SYNCRIP: variants seen among roughly 807,000 people sequenced by gnomAD.
SYNCRIP encodes synaptotagmin binding cytoplasmic RNA interacting protein.
A neutral mutation model predicts 68.9 loss-of-function variants in SYNCRIP; 9 were observed. That is an observed-to-expected ratio of 0.13 (90% CI 0.08 to 0.23). The LOEUF (loss-of-function observed/expected upper bound fraction) is 0.23, where lower values mean the gene tolerates loss of function less well. Ranked by LOEUF, SYNCRIP falls within the 10% of genes least tolerant of loss-of-function variation. The pLI, the probability that SYNCRIP is intolerant of heterozygous loss-of-function variation, is 1.00. For synonymous variants in SYNCRIP, 258 were observed against 254.0 expected (o/e 1.02, Z -0.15); for missense variants, 414 against 770.6 (o/e 0.54, Z 5.48).
intron 7 of SYNCRIP, 114 bp downstream of exon 7, chr6:85,623,863 A>T: frequency 7.8e-7 from 1 of 1,281,880 alleles, no homozygotes; most frequent in Non-Finnish European, 1.1e-6. Flanking sequence ...CAAAAGTTGT[A>T]GTGAGGATTC....
chr6:85,630,226 G>A (rs1434771457), intron 6 of SYNCRIP, among the ~76,000 whole-genome samples: 2 of 152,106 alleles, frequency 1.3e-5, no homozygotes, highest in Non-Finnish European at 2.9e-5. Context: ...GCCGGGTGTG[G>A]TGGCAGGCGC....
Position 85,614,117 on chromosome 6 carries a change from C to G in SYNCRIP, c.*639G>C, listed in dbSNP as rs1805503077. 1 of 985,692 alleles carries G rather than the reference C, an allele frequency of 1.0e-6. No individual in the cohort carries two copies. The highest frequency in any genetic ancestry group is 1.7e-5 in the African/African-American group (1 of 57,210). 61.1% of individuals were successfully genotyped at this position (985,692 alleles called of 1,614,324 possible). ...ATTCCACACAAGAATTAACAAGGCACAAAACCCTTTAATTGGCCTTGACAT... is the reference window on the plus strand; with the variant it reads ...ATTCCACACAAGAATTAACAAGGCAGAAAACCCTTTAATTGGCCTTGACAT... On this transcript the variant is annotated 3_prime_UTR_variant, in exon 11 of 11. Coordinates refer to ENST00000369622, the MANE Select transcript of SYNCRIP (RefSeq NM_006372.5).
intron 8 of SYNCRIP, among the ~76,000 whole-genome samples, chr6:85,621,470 A>C (rs565330956): frequency 1.3e-5 from 2 of 152,096 alleles, no homozygotes; most frequent in Non-Finnish European, 2.9e-5. Context: ...AAAATTAGCC[A>C]GGTGTGGTAG....
At chr6:85,641,594 C>G in intron 1 of SYNCRIP, 143 bp from the exon 2 acceptor site, 2 of 791,440 alleles carry the variant, frequency 2.5e-6, no homozygotes, top group Non-Finnish European at 3.8e-6. Context: ...CAGTCACTAT[C>G]GCCTGACAAG....
intron 7 of SYNCRIP, among the ~76,000 whole-genome samples, 199 bp from the exon 8 acceptor site, chr6:85,622,886 A>C (rs933729887): frequency 6.6e-6 from 1 of 152,232 alleles, no homozygotes; most frequent in African/African-American, 2.4e-5. Context: ...TTCAACACAG[A>C]AATCTCCAGA....
At chr6:85,620,156 G>A (rs774760438) in intron 8 of SYNCRIP, among the ~76,000 whole-genome samples, 1 of 152,180 alleles carries the variant, frequency 6.6e-6, no homozygotes, top group Non-Finnish European at 1.5e-5. Flanking sequence ...TGAAGCATGA[G>A]AAATGGTTGA....
rs1318422430 is a variant in SYNCRIP at position 85,641,382 on chromosome 6, C to T, written c.58G>A (p.Ala20Thr). ...TGAAAATTTTCTGAATGGATAACTG[C>T]AGAAGTAGTATCCATGGGCTCTTCA... Reference protein sequence around the residue: ...GTEEPMDTTSAVIHSENFQTL... With the variant: ...GTEEPMDTTSTVIHSENFQTL... The change falls in exon 2 of 11, where the codon GCA (alanine) becomes ACA (threonine). Residue 20 changes from alanine (A) to threonine (T), a missense_variant. By Grantham distance (58) the Ala-to-Thr change is moderately conservative. This residue lies in a region of SYNCRIP where 51 missense variants were observed against 63.7 expected (regional missense o/e 0.80). Coordinates refer to ENST00000369622, the MANE Select transcript of SYNCRIP (RefSeq NM_006372.5). 6.2e-7 allele frequency: 1 copy of T among 1,612,854 alleles called. No homozygotes were observed. Among genetic ancestry groups the T allele is most frequent in the Non-Finnish European group, 8.5e-7 (1 of 1,179,538 alleles).
chr6:85,611,484 CT>C (rs1405694146), downstream of SYNCRIP: 1 of 152,330 alleles, frequency 6.6e-6, no homozygotes, highest in Non-Finnish European at 1.5e-5. Flanking sequence ...ATCGTGGTGC[CT>C]ATTGGGTATG....
chr6:85,621,025 G>A (rs1035479788), intron 8 of SYNCRIP, among the ~76,000 whole-genome samples: 5 of 152,174 alleles, frequency 3.3e-5, no homozygotes, highest in Non-Finnish European at 5.9e-5. Flanking sequence ...AAGACAAACT[G>A]TTCTCAATCC....
intron 6 of SYNCRIP, among the ~76,000 whole-genome samples, chr6:85,635,479 G>A (rs1339797758): frequency 6.6e-6 from 1 of 152,008 alleles, no homozygotes; most frequent in African/African-American, 2.4e-5. Context: ...ACATAGAAAA[G>A]GAAGACTTGG....
intron 1 of SYNCRIP, among the ~76,000 whole-genome samples, chr6:85,641,931 C>T (rs1370816503): frequency 1.3e-5 from 2 of 152,188 alleles, no homozygotes; most frequent in African/African-American, 4.8e-5. Context: ...ATTTCTCCAC[C>T]CTTTAACCCC....
chr6:85,621,496 C>G (rs902842695), intron 8 of SYNCRIP, among the ~76,000 whole-genome samples: 2 of 151,498 alleles, frequency 1.3e-5, no homozygotes, highest in Non-Finnish European at 2.9e-5. Context: ...ACCTGTAGTT[C>G]TAGCTACTTG....
rs147385736 is a variant in SYNCRIP at position 85,627,083 on chromosome 6, C to T, written c.667-2971G>A. On this transcript the variant is annotated intron_variant, in intron 6 of 10. Coordinates refer to ENST00000369622, the MANE Select transcript of SYNCRIP (RefSeq NM_006372.5). ...GAGTTCGAGACCAGCCTGGGCAACACAGTGAAACGCCGTCTCTACTAAAAC... is the reference window on the plus strand; with the variant it reads ...GAGTTCGAGACCAGCCTGGGCAACATAGTGAAACGCCGTCTCTACTAAAAC... 9.6e-3 allele frequency among the ~76,000 whole-genome samples: 1,455 copies of T among 151,878 alleles called. 26 individuals carry two copies. The highest frequency in any genetic ancestry group is 0.033 in the African/African-American group (1,383 of 41,384).
intron 7 of SYNCRIP, among the ~76,000 whole-genome samples, chr6:85,623,568 A>C (rs1583269807): frequency 1.3e-5 from 2 of 150,216 alleles, no homozygotes; most frequent in East Asian, 1.9e-4. Flanking sequence ...TCTCCAAAAA[A>C]AAAAAAAAAA....
At chr6:85,636,782 G>A (rs1158674236) in intron 6 of SYNCRIP, among the ~76,000 whole-genome samples, 185 bp downstream of exon 6, 2 of 152,010 alleles carry the variant, frequency 1.3e-5, no homozygotes, top group African/African-American at 4.8e-5. Flanking sequence ...TTTAGATGCT[G>A]AATCCTATCA....
chr6:85,627,161 G>A (rs1439104654), intron 6 of SYNCRIP, among the ~76,000 whole-genome samples: 3 of 151,682 alleles, frequency 2.0e-5, no homozygotes, highest in East Asian at 1.9e-4. Context: ...CCAGCTACTC[G>A]GGAGGCTGAG....
In SYNCRIP at chr6:85,624,246, G is replaced by C. The variant is rs1806783570; in HGVS notation, c.667-134C>G. The C allele has an allele frequency of 3.7e-6, 3 of 812,512 alleles. No homozygotes were observed. In the Admixed American group the frequency reaches 8.3e-5, roughly 23 times the overall value. 50.3% of individuals were successfully genotyped at this position (812,512 alleles called of 1,614,324 possible). On this transcript the variant is annotated intron_variant, in intron 6 of 10. Transcript: ENST00000369622. Reference sequence around the variant, plus strand: ...AATTCCCATACAAGGGAATTATGAGGAACAGATTATATTAACAAGACCCAT... The same window carrying C: ...AATTCCCATACAAGGGAATTATGAGCAACAGATTATATTAACAAGACCCAT...
rs570786970 is a variant in SYNCRIP at position 85,622,337 on chromosome 6, C to T, written c.1008+145G>A. The T allele has an allele frequency of 5.7e-5, 46 of 805,354 alleles. 1 individual carries two copies. Among genetic ancestry groups the T allele is most frequent in the South Asian group, 3.4e-4 (18 of 53,282 alleles). The allele number at this position is 805,354 out of a possible 1,614,324, so 49.9% of individuals were successfully genotyped here. On this transcript the variant is annotated intron_variant, in intron 8 of 10. Transcript: ENST00000369622. ...TGAACCAAGATGGCACCATGGCACT[C>T]CAGCCTGGGAAACATGGGAAACAAG...
At chr6:85,642,202 C>A (rs895394445) in intron 1 of SYNCRIP, among the ~76,000 whole-genome samples, 3 of 152,160 alleles carry the variant, frequency 2.0e-5, no homozygotes, top group Admixed American at 2.0e-4. Flanking sequence ...AGGCCACAGG[C>A]TCTCCCCGCC....
Sources: gnomAD v4.1 joint callset for allele counts (sites outside exome capture counted in the v4.1 genomes callset) on GRCh38, gnomAD v4.1.1 for gene constraint, gnomAD v4.1.1 regional missense constraint, MANE v1.5 for transcripts, NCBI Gene and HGNC (gene_info 2026-07-23, HGNC 2026-07-21) for gene names.